Variants in PDE8A observed in about 807,000 individuals in gnomAD.
PDE8A encodes the protein phosphodiesterase 8A, also known as high affinity cAMP-specific and IBMX-insensitive 3',5'-cyclic phosphodiesterase 8A.
A neutral mutation model predicts 105.0 loss-of-function variants in PDE8A; 59 were observed. The observed-to-expected ratio is 0.56, with a 90% confidence interval of 0.46 to 0.70. PDE8A has a LOEUF of 0.70. Ranked by LOEUF, PDE8A falls within the 30% of genes least tolerant of loss-of-function variation. The pLI is 0.00. For synonymous variants in PDE8A, 355 were observed against 371.9 expected, an observed-to-expected ratio of 0.95 and a Z score of 0.52; for missense variants, 1,014 against 1,045.9, an observed-to-expected ratio of 0.97 and a Z score of 0.42.
intron 3 of PDE8A, among the ~76,000 whole-genome samples, chr15:85,070,910 G>A (rs2081301283): frequency 1.3e-5 from 2 of 152,178 alleles, no homozygotes; most frequent in South Asian, 4.1e-4. Flanking sequence ...GGCTGCTAGA[G>A]GCCATCCAGT....
intron 11 of PDE8A, among the ~76,000 whole-genome samples, chr15:85,107,733 T>C (rs778766797): frequency 1.3e-5 from 2 of 151,510 alleles, no homozygotes; most frequent in Non-Finnish European, 1.5e-5. Flanking sequence ...GCCTGAGGAG[T>C]GTCTAAGTGA....
chr15:85,015,248 T>A (rs2080305850), intron 1 of PDE8A, among the ~76,000 whole-genome samples: 1 of 151,666 alleles, frequency 6.6e-6, no homozygotes, highest in African/African-American at 2.4e-5. Context: ...ATAAGTCTTT[T>A]TTTTTTTGGA....
At chr15:85,044,594 C>T (rs2080859940) in intron 1 of PDE8A, among the ~76,000 whole-genome samples, 1 of 152,212 alleles carries the variant, frequency 6.6e-6, no homozygotes, top group Admixed American at 6.5e-5. Context: ...GTCTAGGAAT[C>T]AGTGGATCTT....
Position 85,109,060 on chromosome 15 carries a change from G to C in PDE8A, c.1044G>C (p.Gln348His), listed in dbSNP as rs763198583. The stretch of plus-strand genomic sequence containing the variant: ...TATCATTTGTTTCTACAGATAATCA[G>C]ACAGGCAAACATAAAGACAGGAGAA... ...CVQSDTHTDNQTGKHKDRRKG... is the reference protein window; with the variant it reads ...CVQSDTHTDNHTGKHKDRRKG... The change falls in exon 12 of 22, where the codon CAG becomes CAC. Residue 348 changes from glutamine (Q) to histidine (H), a missense_variant. Gln to His is a conservative substitution (Grantham distance 24). Coordinates refer to ENST00000394553, the MANE Select transcript of PDE8A (RefSeq NM_002605.3). 4.4e-6 allele frequency: 7 copies of C among 1,604,904 alleles called. No homozygotes were observed. Among genetic ancestry groups the C allele is most frequent in the Middle Eastern group, 1.7e-4 (1 of 6,040 alleles).
Position 85,117,675 on chromosome 15 carries a change from C to T in PDE8A, c.1570C>T (p.Arg524Cys), listed in dbSNP as rs779203534. Residue 524 changes from arginine to cysteine, a missense_variant, in exon 17 of 22, where the codon CGC becomes TGC. By Grantham distance (180) the Arg-to-Cys change is radical. Coordinates refer to ENST00000394553, the MANE Select transcript of PDE8A (RefSeq NM_002605.3). ...TTATCTTGGTCTCAAAATGTTTGCT[C>T]GCTTTGGAATCTGTGAATTCTTACA... The part of the protein sequence containing the change: ...LIYLGLKMFA[R>C]FGICEFLHCS... 8 of 1,613,954 alleles carry T rather than the reference C, an allele frequency of 5.0e-6. No homozygotes were observed. The African/African-American group carries it at 5.3e-5, about 11-fold the overall frequency.
chr15:84,987,238 TG>T (rs1183429683), intron 1 of PDE8A, among the ~76,000 whole-genome samples: 1 of 152,218 alleles, frequency 6.6e-6, no homozygotes, highest in African/African-American at 2.4e-5. Flanking sequence ...TTATAGCATA[TG>T]TTTTTTAGTA....
chr15:85,071,037 G>C (rs1162213977), intron 3 of PDE8A, among the ~76,000 whole-genome samples: 3 of 152,160 alleles, frequency 2.0e-5, no homozygotes, highest in Non-Finnish European at 4.4e-5. Context: ...ATTGACCATA[G>C]CAATAATAAA....
chr15:85,131,178 T>G (rs1484661862), intron 20 of PDE8A, among the ~76,000 whole-genome samples: 1 of 152,254 alleles, frequency 6.6e-6, no homozygotes, highest in Non-Finnish European at 1.5e-5. Context: ...ATGTATGTCT[T>G]GAGAGCTAAA....
At chr15:85,114,131 G>A in intron 14 of PDE8A, 94 bp downstream of exon 14, 1 of 1,104,852 alleles carries the variant, frequency 9.1e-7, no homozygotes, top group Non-Finnish European at 1.3e-6. Context: ...GAAGAGGCAG[G>A]CAGGGCTCTG....
intron 1 of PDE8A, among the ~76,000 whole-genome samples, chr15:85,043,023 G>A (rs1567245370): frequency 6.6e-6 from 1 of 152,178 alleles, no homozygotes; most frequent in Non-Finnish European, 1.5e-5. Context: ...ACCTAGGCTG[G>A]CCTTTGCAGT....
chr15:85,014,112 C>A (rs563777448), intron 1 of PDE8A, among the ~76,000 whole-genome samples: 1 of 151,894 alleles, frequency 6.6e-6, no homozygotes, highest in African/African-American at 2.4e-5. Flanking sequence ...ATAATCACAT[C>A]TTTCTTTCTT....
rs765356649 is a variant in PDE8A, at chr15:85,123,063, A to C, written c.1955A>C (p.Asn652Thr). 1 of 1,613,558 alleles carries C rather than the reference A, an allele frequency of 6.2e-7. No homozygotes were observed. The highest frequency in any genetic ancestry group is 8.5e-7 in the Non-Finnish European group (1 of 1,179,538). Residue 652 changes from asparagine (N) to threonine (T), a missense_variant and splice_region_variant, in exon 19 of 22, where the codon AAT becomes ACT. Asn to Thr is a moderately conservative substitution (Grantham distance 65). Transcript: ENST00000394553. Reference protein sequence around the residue: ...KCNIFKNMERNDYRTLRQGII... With the variant: ...KCNIFKNMERTDYRTLRQGII... The stretch of plus-strand genomic sequence containing the variant: ...CTCTAATTTGTCATCGAAAACAGGA[A>C]TGATTATCGGACACTGCGCCAGGGG...
At chr15:85,001,236 C>G (rs1263452085) in intron 1 of PDE8A, among the ~76,000 whole-genome samples, 1 of 152,074 alleles carries the variant, frequency 6.6e-6, no homozygotes, top group Non-Finnish European at 1.5e-5. Context: ...GAATTTCTTC[C>G]CAATTTAATC....
intron 20 of PDE8A, among the ~76,000 whole-genome samples, chr15:85,135,537 C>T (rs1216900982): frequency 6.6e-6 from 1 of 152,164 alleles, no homozygotes; most frequent in African/African-American, 2.4e-5. Context: ...CTGCGCTCAC[C>T]CTGTTCTCAT....
At chr15:85,083,469 T>A in intron 5 of PDE8A, 87 bp from the exon 6 acceptor site, 1 of 757,316 alleles carries the variant, frequency 1.3e-6, no homozygotes, top group Non-Finnish European at 2.3e-6. Flanking sequence ...GTTGCCAAGT[T>A]GAGAAGTTTG....
intron 1 of PDE8A, among the ~76,000 whole-genome samples, chr15:84,992,165 A>G (rs561761443): frequency 3.9e-5 from 6 of 152,172 alleles, no homozygotes; most frequent in Non-Finnish European, 8.8e-5. Flanking sequence ...CTCAGGGAAC[A>G]ATTAGTCCTT....
chr15:85,087,541 C>G (rs557853634), intron 6 of PDE8A, among the ~76,000 whole-genome samples: 1 of 151,880 alleles, frequency 6.6e-6, no homozygotes, highest in South Asian at 2.1e-4. Flanking sequence ...TATCTCTGCA[C>G]TTTATAAGCA....
At chr15:84,998,831 T>C (rs2080020454) in intron 1 of PDE8A, among the ~76,000 whole-genome samples, 1 of 152,176 alleles carries the variant, frequency 6.6e-6, no homozygotes, top group Non-Finnish European at 1.5e-5. Flanking sequence ...GAAGTCAGGG[T>C]TAAAACCTGT....
chr15:85,074,379 C>A (rs1182307348), intron 3 of PDE8A, among the ~76,000 whole-genome samples: 1 of 152,092 alleles, frequency 6.6e-6, no homozygotes, highest in Non-Finnish European at 1.5e-5. Flanking sequence ...ATTCCCTGAC[C>A]CTTTACAGAA....
Sources: gnomAD v4.1 joint callset for allele counts (sites outside exome capture counted in the v4.1 genomes callset) on GRCh38, gnomAD v4.1.1 for gene constraint, MANE v1.5 for transcripts, NCBI Gene and HGNC (gene_info 2026-07-23, HGNC 2026-07-21) for gene names.